ME2: variants seen among roughly 807,000 people sequenced by gnomAD.
ME2 encodes the protein malic enzyme 2.
Under a neutral mutation model 73.7 loss-of-function variants are expected in ME2, and 60 were observed. The observed-to-expected ratio is 0.81, with a 90% CI of 0.66 to 1.01. ME2 has a LOEUF of 1.01. ME2 is among the 50% of genes least tolerant of loss of function. The probability of loss-of-function intolerance (pLI) is 0.00; values close to 1 mark genes in which losing one functional copy is unlikely to be tolerated. For missense variants in ME2, 594 were observed against 705.5 expected (o/e 0.84, Z 1.79); for synonymous variants, 199 against 236.9 (o/e 0.84, Z 1.47).
rs1338799375 is a variant in ME2 at position 50,916,186 on chromosome 18, C to G, written c.411C>G (p.Ile137Met). The G allele has an allele frequency of 1.2e-6, 2 of 1,610,854 alleles. No individual in the cohort carries two copies. The highest frequency in any genetic ancestry group is 1.7e-6 in the Non-Finnish European group (2 of 1,178,484). Residue 137 changes from isoleucine (I) to methionine (M), a missense_variant, in exon 5 of 16, where the codon ATC becomes ATG. Ile to Met is a conservative substitution (Grantham distance 10, BLOSUM62 1). Transcript: ENST00000321341. ...FRRPKGLFIS[I>M]SDRGHVRSIV... ...GTTGCAGGGGATTATTTATTTCGAT[C>G]TCAGACAGAGGTCATGTTAGATCAA...
chr18:50,893,124 C>CAAAAAAAAAAAAAAAA (rs56104427), intron 1 of ME2, among the ~76,000 whole-genome samples: 16 of 78,122 alleles, frequency 2.0e-4, no homozygotes, highest in Non-Finnish European at 3.3e-4. Context: ...GACTCTATCT[C>CAAAAAAAAAAAAAAAA]AAAAAAAAAA....
chr18:50,940,435 T>A (rs202037725), intron 15 of ME2, 49 bp downstream of exon 15: 1 of 1,228,138 alleles, frequency 8.1e-7, no homozygotes, highest in East Asian at 2.4e-5. Context: ...GACATTTTCT[T>A]ATACAAGAAA....
At chr18:50,899,780 T>C (rs1916843246) in intron 2 of ME2, among the ~76,000 whole-genome samples, 1 of 152,196 alleles carries the variant, frequency 6.6e-6, no homozygotes, top group African/African-American at 2.4e-5. Flanking sequence ...CCATGTATCA[T>C]ACTCAGTTGG....
intron 2 of ME2, among the ~76,000 whole-genome samples, chr18:50,907,199 C>A (rs1315853813): frequency 6.6e-6 from 1 of 152,136 alleles, no homozygotes; most frequent in Admixed American, 6.5e-5. Flanking sequence ...CAAATAATGA[C>A]ATTTTCCTGG....
intron 3 of ME2, among the ~76,000 whole-genome samples, chr18:50,909,105 C>T (rs1917087889): frequency 6.6e-6 from 1 of 152,004 alleles, no homozygotes; most frequent in South Asian, 2.1e-4. Flanking sequence ...AGGAGTGCAC[C>T]ACCACACCCG....
chr18:50,925,655 C>T, intron 11 of ME2, 101 bp from the exon 12 acceptor site: 3 of 909,732 alleles, frequency 3.3e-6, no homozygotes, highest in South Asian at 1.6e-5. Context: ...GAGATATTAC[C>T]TGTGTTTTTA....
intron 13 of ME2, chr18:50,933,768 A>G (rs1227544619): frequency 6.6e-6 from 1 of 152,032 alleles, no homozygotes; most frequent in Non-Finnish European, 1.5e-5. Flanking sequence ...CACCCGGCTA[A>G]TAAGCATGCT....
intron 1 of ME2, among the ~76,000 whole-genome samples, chr18:50,891,504 A>G (rs1370714680): frequency 6.6e-6 from 1 of 152,208 alleles, no homozygotes; most frequent in Non-Finnish European, 1.5e-5. Context: ...AATACAGCCA[A>G]TTAATTTATT....
chr18:50,897,583 G>A (rs952273303), intron 2 of ME2, among the ~76,000 whole-genome samples: 3 of 149,956 alleles, frequency 2.0e-5, no homozygotes, highest in East Asian at 2.0e-4. Flanking sequence ...AAATTAGGCC[G>A]GACATGGTGG....
chr18:50,939,354 A>G, intron 13 of ME2: 2 of 450,840 alleles, frequency 4.4e-6, no homozygotes, highest in South Asian at 6.6e-5. Flanking sequence ...TAAACTGAGA[A>G]AAGCCATTTG....
intron 1 of ME2, among the ~76,000 whole-genome samples, chr18:50,884,615 G>A (rs1916410412): frequency 6.6e-6 from 1 of 152,114 alleles, no homozygotes; most frequent in Non-Finnish European, 1.5e-5. Context: ...CAAAGGGCTG[G>A]GATTACAGGC....
At chr18:50,903,272 A>C (rs1336524732) in intron 2 of ME2, among the ~76,000 whole-genome samples, 6 of 152,200 alleles carry the variant, frequency 3.9e-5, no homozygotes, top group Admixed American at 2.6e-4. Flanking sequence ...AGCCTAGCAA[A>C]TTTAAGAACT....
At chr18:50,892,906 A>T (rs1002177286) in intron 1 of ME2, among the ~76,000 whole-genome samples, 1 of 152,108 alleles carries the variant, frequency 6.6e-6, no homozygotes, top group Non-Finnish European at 1.5e-5. Flanking sequence ...TGGGCGGATC[A>T]CAAGGTCAGG....
chr18:50,889,368 C>T (rs1039963409), intron 1 of ME2, among the ~76,000 whole-genome samples: 1 of 152,258 alleles, frequency 6.6e-6, no homozygotes, highest in South Asian at 2.1e-4. Context: ...AACTTTTGAA[C>T]GACAAGATTT....
intron 10 of ME2, among the ~76,000 whole-genome samples, chr18:50,922,143 C>CA (rs1208006871): frequency 1.3e-5 from 2 of 151,978 alleles, no homozygotes; most frequent in East Asian, 3.8e-4. Context: ...TCTATTAGTA[C>CA]AAAAAATAAA....
At chr18:50,940,136 A>G (rs1222774645) in intron 14 of ME2, 152 bp from the exon 15 acceptor site, 2 of 626,530 alleles carry the variant, frequency 3.2e-6, no homozygotes, top group South Asian at 4.2e-5. Context: ...GAACAGTTTT[A>G]ATTTCTGCAG....
At chr18:50,897,808 G>A (rs1286284964) in intron 2 of ME2, among the ~76,000 whole-genome samples, 7 of 151,744 alleles carry the variant, frequency 4.6e-5, no homozygotes, top group African/African-American at 1.5e-4. Context: ...GCGGTGAGCC[G>A]AGATCGTGCC....
chr18:50,927,087 G>A (rs552261663), intron 12 of ME2, among the ~76,000 whole-genome samples: 33 of 152,160 alleles, frequency 2.2e-4, no homozygotes, highest in Middle Eastern at 3.4e-3. Flanking sequence ...ACACTACCAC[G>A]GGATTATAGC....
intron 15 of ME2, among the ~76,000 whole-genome samples, chr18:50,941,261 CAAAAAAAA>C (rs35785739): frequency 1.1e-5 from 1 of 89,742 alleles, no homozygotes; most frequent in Non-Finnish European, 2.1e-5. Flanking sequence ...AACTCCATCT[CAAAAAAAA>C]AAAAAAAAAA....
Sources: gnomAD v4.1 joint callset for allele counts (sites outside exome capture counted in the v4.1 genomes callset) on GRCh38, gnomAD v4.1.1 for gene constraint, MANE v1.5 for transcripts, NCBI Gene and HGNC (gene_info 2026-07-23, HGNC 2026-07-21) for gene names.